ZFHX3: variants seen among roughly 807,000 people sequenced by gnomAD.
ZFHX3 encodes zinc finger homeobox 3.
Under a neutral mutation model 279.1 loss-of-function variants are expected in ZFHX3, and 42 were observed. The observed-to-expected ratio is 0.15, with a 90% CI of 0.12 to 0.19. The LOEUF (loss-of-function observed/expected upper bound fraction) is 0.19, where lower values mean the gene tolerates loss of function less well. ZFHX3 is among the 10% of genes least tolerant of loss of function. ZFHX3 has a pLI of 1.00. For missense variants in ZFHX3, 4,981 were observed against 4,754.0 expected (o/e 1.05, Z -1.40); for synonymous variants, 2,293 against 1,957.8 (o/e 1.17, Z -4.52).
chr16:72,857,208 G>C (rs147145659), intron 4 of ZFHX3, among the ~76,000 whole-genome samples: 1 of 152,282 alleles, frequency 6.6e-6, no homozygotes, highest in Non-Finnish European at 1.5e-5. Flanking sequence ...TTCTGATCAA[G>C]TCACTGAAAG....
chr16:73,315,044 G>A (rs994298900), intron 4 of ZFHX3, among the ~76,000 whole-genome samples: 2 of 152,156 alleles, frequency 1.3e-5, no homozygotes, highest in African/African-American at 2.4e-5. Context: ...ACTGGCCAAC[G>A]TAGTGAAACC....
intron 4 of ZFHX3, among the ~76,000 whole-genome samples, chr16:72,853,500 A>T (rs1305046413): frequency 6.6e-6 from 1 of 152,206 alleles, no homozygotes; most frequent in Non-Finnish European, 1.5e-5. Flanking sequence ...TCCCCTTCAA[A>T]CTTCTAACTG....
chr16:73,397,219 T>A (rs2017149153), intron 3 of ZFHX3, among the ~76,000 whole-genome samples: 1 of 152,178 alleles, frequency 6.6e-6, no homozygotes, highest in Non-Finnish European at 1.5e-5. Context: ...GGAGGTGACA[T>A]TTATGATGAG....
rs895513205 is a variant in ZFHX3, at chr16:73,363,425, C to T, written c.-1290-45089G>A. Among the ~76,000 whole-genome samples, 4 of 152,300 alleles carry T rather than the reference C, an allele frequency of 2.6e-5. 1 individual carries two copies. The highest frequency in any genetic ancestry group is 7.2e-5 in the African/African-American group (3 of 41,556). On this transcript the variant is annotated intron_variant, in intron 3 of 17. Coordinates refer to the ZFHX3 transcript ENST00000641206. The stretch of plus-strand genomic sequence containing the variant: ...ACTGCGATCTATGAAGAAAGACACT[C>T]GGCATTGTTTTTCTCCCATTTTATC...
At chr16:73,068,808 T>G (rs878891027) in intron 8 of ZFHX3, among the ~76,000 whole-genome samples, 1 of 152,316 alleles carries the variant, frequency 6.6e-6, no homozygotes, top group South Asian at 2.1e-4. Flanking sequence ...TCCTGGTCAC[T>G]TGAGTGCTCC....
intron 5 of ZFHX3, among the ~76,000 whole-genome samples, chr16:73,215,155 A>G (rs1178558239): frequency 1.3e-5 from 2 of 152,210 alleles, no homozygotes; most frequent in Non-Finnish European, 2.9e-5. Context: ...TAACCAAAGT[A>G]TGTGATGTGA....
chr16:73,762,724 G>A (rs1178956625), intron 1 of ZFHX3, among the ~76,000 whole-genome samples: 2 of 152,150 alleles, frequency 1.3e-5, no homozygotes, highest in Non-Finnish European at 2.9e-5. Flanking sequence ...ACTAACATGG[G>A]AACAGAAAAC....
rs1314193502 is a variant in ZFHX3, at chr16:72,786,007, C to T, written c.*1157G>A. On this transcript the variant is annotated 3_prime_UTR_variant, in exon 10 of 10. Transcript: ENST00000268489. ...TTTTATAAAATAATTCTGCAGCTCCCTCTAAGAAATGAAGGCAGCTACCTT... is the reference window on the plus strand; with the variant it reads ...TTTTATAAAATAATTCTGCAGCTCCTTCTAAGAAATGAAGGCAGCTACCTT... 4 of 152,130 alleles carry T rather than the reference C, an allele frequency of 2.6e-5. No individual in the cohort carries two copies. The highest frequency in any genetic ancestry group is 5.9e-5 in the Non-Finnish European group (4 of 68,028). The allele number at this position is 152,130 out of a possible 1,614,324, so 9.4% of individuals were successfully genotyped here.
chr16:73,720,273 AC>A (rs2053461719), intron 1 of ZFHX3, among the ~76,000 whole-genome samples: 1 of 152,108 alleles, frequency 6.6e-6, no homozygotes, highest in African/African-American at 2.4e-5. Flanking sequence ...ATTTATCAAC[AC>A]TCTTAAAAAT....
At chr16:72,920,122 G>A (rs1003079684) in intron 3 of ZFHX3, among the ~76,000 whole-genome samples, 2 of 151,802 alleles carry the variant, frequency 1.3e-5, no homozygotes, top group African/African-American at 4.8e-5. Flanking sequence ...TACCTGCACT[G>A]TAAGCCACAA....
rs997815693 is a variant in ZFHX3, at chr16:72,858,831, C to T, written c.3449-28972G>A. Among the ~76,000 whole-genome samples, 6 of 152,352 alleles carry T rather than the reference C, an allele frequency of 3.9e-5. No individual in the cohort carries two copies. The South Asian group carries it at 8.3e-4, about 21-fold the overall frequency. The stretch of plus-strand genomic sequence containing the variant: ...GAGGGCAGAGCCCCAGGCCCTGCAG[C>T]GGGTCAGGGCTGGCCTCCCTTCTGG... On this transcript the variant is annotated intron_variant, in intron 4 of 9. Transcript: ENST00000268489.
At chr16:73,322,345 G>T (rs4888573) in intron 3 of ZFHX3, among the ~76,000 whole-genome samples, 12 of 151,554 alleles carry the variant, frequency 7.9e-5, no homozygotes, top group African/African-American at 2.9e-4. Flanking sequence ...TAGGTTTAAA[G>T]AAACTTTCCC....
chr16:72,839,911 A>C (rs1488942808), intron 4 of ZFHX3, among the ~76,000 whole-genome samples: 1 of 152,230 alleles, frequency 6.6e-6, no homozygotes, highest in African/African-American at 2.4e-5. Context: ...GAGGCTGAGC[A>C]GTCCCTACAA....
chr16:73,616,260 G>C (rs1054298725), intron 2 of ZFHX3, among the ~76,000 whole-genome samples: 1 of 151,000 alleles, frequency 6.6e-6, no homozygotes, highest in Admixed American at 6.6e-5. Flanking sequence ...GGGTAACAAT[G>C]TGCTTTTACT....
intron 3 of ZFHX3, among the ~76,000 whole-genome samples, chr16:73,332,983 G>A (rs1003063580): frequency 6.6e-6 from 1 of 151,594 alleles, no homozygotes; most frequent in African/African-American, 2.4e-5. Context: ...CTTCCTTTAT[G>A]GCTTCCCTCC....
intron 1 of ZFHX3, among the ~76,000 whole-genome samples, chr16:72,966,140 C>T (rs901315751): frequency 2.6e-5 from 4 of 152,144 alleles, no homozygotes; most frequent in African/African-American, 9.7e-5. Flanking sequence ...TCTGTCTTGT[C>T]CCTATTTGGC....
At chr16:73,288,119 A>G (rs1321768428) in intron 4 of ZFHX3, among the ~76,000 whole-genome samples, 1 of 131,224 alleles carries the variant, frequency 7.6e-6, no homozygotes, top group Non-Finnish European at 1.6e-5. Context: ...GGAGCCAAGG[A>G]GGAGGGTGGG....
rs8054913 is a variant in ZFHX3, at chr16:73,751,198, T to C, written c.-1607-70958A>G. Among the ~76,000 whole-genome samples the C allele has an allele frequency of 9.6e-4, 147 of 152,364 alleles. 6 individuals are homozygous for C. The highest frequency in any genetic ancestry group is 3.2e-3 in the African/African-American group (133 of 41,588). The stretch of plus-strand genomic sequence containing the variant: ...ACCCAGGACCTACTGCAAGAAGTCC[T>C]TGAATCCATGGGCACAAAGTCACTC... On this transcript the variant is annotated intron_variant, in intron 1 of 17. Coordinates refer to the ZFHX3 transcript ENST00000641206.
intron 2 of ZFHX3, among the ~76,000 whole-genome samples, chr16:73,632,242 G>C (rs867447355): frequency 1.3e-5 from 2 of 152,068 alleles, no homozygotes; most frequent in Non-Finnish European, 2.9e-5. Context: ...ATAATAAATG[G>C]TTCTTACCCT....
Sources: gnomAD v4.1 joint callset for allele counts (sites outside exome capture counted in the v4.1 genomes callset) on GRCh38, gnomAD v4.1.1 for gene constraint, MANE v1.5 for transcripts, NCBI Gene and HGNC (gene_info 2026-07-23, HGNC 2026-07-21) for gene names.